Variants in SAMMSON observed in about 807,000 individuals in gnomAD.
The protein encoded by SAMMSON is survival associated mitochondrial melanoma specific oncogenic non-coding RNA.
chr3:70,347,377 T>C (rs951074535), intron 7 of SAMMSON, among the ~76,000 whole-genome samples: 10 of 152,234 alleles, frequency 6.6e-5, no homozygotes, highest in Non-Finnish European at 1.3e-4. Flanking sequence ...CTCTTGGCTT[T>C]TGCCTTCTTA....
intron 4 of SAMMSON, among the ~76,000 whole-genome samples, chr3:70,214,659 C>A (rs933415146): frequency 6.6e-6 from 1 of 150,744 alleles, no homozygotes; most frequent in Non-Finnish European, 1.5e-5. Flanking sequence ...GTTTTCTGCC[C>A]GCCACTATAC....
intron 4 of SAMMSON, among the ~76,000 whole-genome samples, chr3:70,147,331 A>G (rs976029195): frequency 1.3e-5 from 2 of 152,036 alleles, no homozygotes; most frequent in Non-Finnish European, 1.5e-5. Flanking sequence ...TAAAATTTTT[A>G]TGAAAAGACA....
At chr3:70,229,132 A>G (rs959902336) in intron 4 of SAMMSON, among the ~76,000 whole-genome samples, 3 of 152,162 alleles carry the variant, frequency 2.0e-5, no homozygotes, top group Non-Finnish European at 2.9e-5. Flanking sequence ...CTTTTATCAA[A>G]AGCATAACAC....
intron 3 of SAMMSON, among the ~76,000 whole-genome samples, chr3:70,043,182 C>A (rs2067112075): frequency 6.6e-6 from 1 of 152,046 alleles, no homozygotes; most frequent in Non-Finnish European, 1.5e-5. Flanking sequence ...CAGGGCTGGT[C>A]CTGCCACTGA....
intron 3 of SAMMSON, among the ~76,000 whole-genome samples, chr3:70,050,500 A>G (rs549888629): frequency 1.2e-4 from 19 of 152,152 alleles, no homozygotes; most frequent in Non-Finnish European, 2.6e-4. Flanking sequence ...CCTATCAGAA[A>G]GAAGAGACCT....
rs148040526 is a variant in SAMMSON, at chr3:70,208,705, G to A, written n.508-40402G>A. Among the ~76,000 whole-genome samples the A allele has an allele frequency of 3.3e-4, 50 of 152,152 alleles. No homozygotes were observed. The East Asian group carries it at 3.9e-3, about 12-fold the overall frequency. On this transcript the variant is annotated intron_variant and non_coding_transcript_variant, in intron 4 of 9. Transcript: ENST00000642114. ...CTGACTTGTGCATCAGTGATTTTCA[G>A]AAACCAATCTTAAGATGGTTGCTTT...
At chr3:70,281,726 G>A (rs770904655) in intron 6 of SAMMSON, among the ~76,000 whole-genome samples, 7 of 152,156 alleles carry the variant, frequency 4.6e-5, no homozygotes, top group South Asian at 4.1e-4. Context: ...ACTCCTTCTC[G>A]TCTTTGGAAT....
chr3:70,398,654 T>C (rs1346856467), intron 2 of SAMMSON, among the ~76,000 whole-genome samples: 2 of 152,226 alleles, frequency 1.3e-5, no homozygotes, highest in African/African-American at 4.8e-5. Flanking sequence ...CTCTTCATAA[T>C]TTTTGGAATC....
At chr3:70,062,707 C>G (rs1042274886) in intron 3 of SAMMSON, among the ~76,000 whole-genome samples, 3 of 152,098 alleles carry the variant, frequency 2.0e-5, no homozygotes, top group African/African-American at 7.2e-5. Context: ...TCACTCCTTT[C>G]CAAAGGGGAA....
chr3:70,217,306 A>G (rs1424707878), intron 4 of SAMMSON, among the ~76,000 whole-genome samples: 1 of 152,154 alleles, frequency 6.6e-6, no homozygotes, highest in Non-Finnish European at 1.5e-5. Flanking sequence ...GATACCATGA[A>G]TACTCTTGAA....
chr3:70,156,728 A>G (rs978874486), intron 4 of SAMMSON, among the ~76,000 whole-genome samples: 1 of 152,096 alleles, frequency 6.6e-6, no homozygotes, highest in Non-Finnish European at 1.5e-5. Context: ...CTTCTGGAAA[A>G]TGTCTGATTT....
intron 7 of SAMMSON, among the ~76,000 whole-genome samples, chr3:70,346,925 T>A (rs564773537): frequency 2.0e-5 from 3 of 152,184 alleles, no homozygotes; most frequent in Non-Finnish European, 4.4e-5. Flanking sequence ...TTTTCTGATA[T>A]GCACAAGCTG....
intron 7 of SAMMSON, among the ~76,000 whole-genome samples, chr3:70,344,071 G>T (rs1285817109): frequency 2.0e-5 from 3 of 151,960 alleles, no homozygotes; most frequent in African/African-American, 7.3e-5. Context: ...CTAATGATAT[G>T]GACAGGAGAC....
At chr3:70,237,010 A>C (rs1032666755) in intron 4 of SAMMSON, among the ~76,000 whole-genome samples, 2 of 152,240 alleles carry the variant, frequency 1.3e-5, no homozygotes, top group African/African-American at 4.8e-5. Context: ...TGTCAAGGCA[A>C]CATCTCCACT....
chr3:70,246,800 A>G (rs1166443171), intron 4 of SAMMSON, among the ~76,000 whole-genome samples: 3 of 152,024 alleles, frequency 2.0e-5, no homozygotes, highest in African/African-American at 7.2e-5. Context: ...TTTTAGAGGG[A>G]AAAAAACCCA....
chr3:70,001,453 GTT>G (rs200222434), intron 1 of SAMMSON, among the ~76,000 whole-genome samples: 4 of 128,806 alleles, frequency 3.1e-5, no homozygotes, highest in African/African-American at 5.6e-5. Context: ...TGTTTCTAGT[GTT>G]TTTTTTTTTT....
At chr3:70,200,313 G>C (rs570333066) in intron 4 of SAMMSON, among the ~76,000 whole-genome samples, 1 of 152,280 alleles carries the variant, frequency 6.6e-6, no homozygotes, top group Admixed American at 6.5e-5. Context: ...TTAGAGAAAA[G>C]TGCCAAATCC....
chr3:70,400,850 T>C (rs957219347), intron 2 of SAMMSON, among the ~76,000 whole-genome samples: 1 of 152,118 alleles, frequency 6.6e-6, no homozygotes, highest in African/African-American at 2.4e-5. Context: ...AAGAATCTCT[T>C]GAACCTGGGA....
intron 7 of SAMMSON, among the ~76,000 whole-genome samples, chr3:70,311,321 G>T (rs1244271020): frequency 6.6e-6 from 1 of 152,130 alleles, no homozygotes; most frequent in Non-Finnish European, 1.5e-5. Context: ...CACAGGTTTA[G>T]CTGTATTTTC....
Sources: allele counts gnomAD v4.1 joint callset (sites outside exome capture counted in the v4.1 genomes callset), GRCh38; gene constraint gnomAD v4.1.1; transcripts MANE v1.5; gene names NCBI Gene and HGNC (gene_info 2026-07-23, HGNC 2026-07-21).